The following BLM variants were observed in gnomAD, a reference collection of about 807,000 sequenced individuals.
BLM encodes BLM RecQ like helicase, also known as recQ-like DNA helicase BLM.
A neutral mutation model predicts 135.3 loss-of-function variants in BLM; 95 were observed. That is an observed-to-expected ratio of 0.70 (90% CI 0.59 to 0.83). BLM has a LOEUF of 0.83. BLM is among the 40% of genes least tolerant of loss of function. The probability of loss-of-function intolerance (pLI) is 0.00; values close to 1 mark genes in which losing one functional copy is unlikely to be tolerated. For synonymous variants in BLM, 520 were observed against 589.2 expected (o/e 0.88, Z 1.70); for missense variants, 1,518 against 1,663.9 (o/e 0.91, Z 1.53).
At chr15:90,753,813 T>C (rs764196951) in intron 4 of BLM, among the ~76,000 whole-genome samples, 8 of 152,240 alleles carry the variant, frequency 5.3e-5, no homozygotes, top group Non-Finnish European at 1.0e-4. Context: ...TTCTCCATCT[T>C]CTGGCCACAA....
intron 12 of BLM, among the ~76,000 whole-genome samples, chr15:90,772,824 A>G (rs1161675290): frequency 1.3e-5 from 2 of 152,096 alleles, no homozygotes; most frequent in Non-Finnish European, 1.5e-5. Flanking sequence ...TAGGTTGGGC[A>G]TGGTGACTCA....
At chr15:90,720,922 G>A (rs529696987) in intron 1 of BLM, among the ~76,000 whole-genome samples, 160 of 152,176 alleles carry the variant, frequency 1.1e-3, no homozygotes, top group African/African-American at 3.7e-3. Context: ...GGCTGGGCGC[G>A]GTAGCACATG....
At chr15:90,739,118 A>T (rs1296979102) in intron 1 of BLM, among the ~76,000 whole-genome samples, 4 of 152,160 alleles carry the variant, frequency 2.6e-5, no homozygotes, top group Non-Finnish European at 4.4e-5. Context: ...AGGAGCGGCC[A>T]GGCGCGGTGG....
chr15:90,748,992 C>A (rs1016851806), intron 2 of BLM, among the ~76,000 whole-genome samples: 12 of 152,080 alleles, frequency 7.9e-5, no homozygotes, highest in Non-Finnish European at 1.6e-4. Context: ...CTCCTGACCT[C>A]AAGCATTCCA....
At chr15:90,787,155 T>C (rs1896773126) in intron 14 of BLM, among the ~76,000 whole-genome samples, 1 of 144,888 alleles carries the variant, frequency 6.9e-6, no homozygotes, top group Non-Finnish European at 1.5e-5. Context: ...GTTCACGCCA[T>C]TCTCCTGCCT....
At chr15:90,767,439 C>T (rs1490910727) in intron 10 of BLM, among the ~76,000 whole-genome samples, 1 of 152,198 alleles carries the variant, frequency 6.6e-6, no homozygotes, top group East Asian at 1.9e-4. Flanking sequence ...TGCATGCATT[C>T]CGTTGTGCTT....
At chr15:90,778,774 C>A (rs933041885) in intron 12 of BLM, among the ~76,000 whole-genome samples, 3 of 151,866 alleles carry the variant, frequency 2.0e-5, no homozygotes, top group African/African-American at 7.3e-5. Context: ...ATGAATAATG[C>A]TGGTATAATC....
intron 1 of BLM, among the ~76,000 whole-genome samples, chr15:90,734,694 CGCAGAG>C (rs1394989547): frequency 9.7e-6 from 1 of 103,102 alleles, no homozygotes; most frequent in Non-Finnish European, 1.9e-5. Context: ...CACACACACA[CGCAGAG>C]AGAGAGAGAG....
chr15:90,766,495 T>A (rs781561526), intron 9 of BLM, among the ~76,000 whole-genome samples: 31 of 152,326 alleles, frequency 2.0e-4, no homozygotes, highest in Non-Finnish European at 4.4e-4. Context: ...TGGTGCAACC[T>A]TGGCTCACTG....
At chr15:90,796,142 G>A (rs1241672927) in intron 16 of BLM, among the ~76,000 whole-genome samples, 1 of 152,188 alleles carries the variant, frequency 6.6e-6, no homozygotes, top group Non-Finnish European at 1.5e-5. Context: ...CTGAGTAACT[G>A]GAAGGATGGA....
chr15:90,745,860 G>A (rs1426885277), intron 1 of BLM, among the ~76,000 whole-genome samples: 1 of 152,166 alleles, frequency 6.6e-6, no homozygotes, highest in African/African-American at 2.4e-5. Flanking sequence ...AGAATGACTT[G>A]AGCTCAGGAG....
rs71463768 is a variant in BLM, at chr15:90,738,564, AAAAACAAAAC to A, written c.-4-8795_-4-8786del. 8.2e-3 allele frequency among the ~76,000 whole-genome samples: 1,219 copies of A among 149,300 alleles called. 9 individuals are homozygous for A. Among genetic ancestry groups the A allele is most frequent in the African/African-American group, 0.012 (478 of 40,650 alleles). On this transcript the variant is annotated intron_variant, in intron 1 of 21. Coordinates refer to ENST00000355112, the MANE Select transcript of BLM (RefSeq NM_000057.4). The stretch of plus-strand genomic sequence containing the variant: ...GGTGACAGAGTGAAACCCTGTTTCA[AAAAACAAAAC>A]AAAACAAAACAAAACAAAACAAAAC...
At chr15:90,803,216 G>A (rs1156513342) in intron 17 of BLM, among the ~76,000 whole-genome samples, 1 of 151,362 alleles carries the variant, frequency 6.6e-6, no homozygotes, top group African/African-American at 2.4e-5. Context: ...CTAATACATA[G>A]CACAGTGATA....
In BLM at chr15:90,769,534, C is replaced by A; in HGVS notation, c.2503C>A (p.Pro835Thr). 2 of 1,614,004 alleles carry A rather than the reference C, an allele frequency of 1.2e-6. No homozygotes were observed. The highest frequency in any genetic ancestry group is 1.1e-5 in the South Asian group (1 of 91,074). Reference sequence around the variant, plus strand: ...GATGGCTCTTACGGCCACAGCTAATCCCAGGGTACAGAAGGACATCCTGAC... The same window carrying A: ...GATGGCTCTTACGGCCACAGCTAATACCAGGGTACAGAAGGACATCCTGAC... ...PVMALTATAN[P>T]RVQKDILTQL... is the part of the protein sequence containing the mutation. The change falls in exon 12 of 22, where the codon CCC becomes ACC. Residue 835 changes from proline to threonine, a missense_variant. Physicochemically the swap from Pro to Thr is conservative, Grantham distance 38. Coordinates refer to ENST00000355112, the MANE Select transcript of BLM (RefSeq NM_000057.4).
At chr15:90,747,630 A>G (rs1237364920) in intron 2 of BLM, 140 bp downstream of exon 2, 4 of 682,678 alleles carry the variant, frequency 5.9e-6, no homozygotes, top group Non-Finnish European at 1.1e-5. Context: ...CACTTTGCCA[A>G]TTAATGGTAG....
chr15:90,739,604 C>A (rs1006843574), intron 1 of BLM, among the ~76,000 whole-genome samples: 16 of 152,104 alleles, frequency 1.1e-4, no homozygotes, highest in African/African-American at 3.9e-4. Context: ...ATAAGCCAGT[C>A]CCGAAAAGGC....
rs145310024 is a variant in BLM at position 90,780,362 on chromosome 15, C to A, written c.2556-2460C>A. Among the ~76,000 whole-genome samples the A allele has an allele frequency of 2.0e-3, 302 of 152,212 alleles. 3 individuals are homozygous for A. The highest frequency in any genetic ancestry group is 6.7e-3 in the African/African-American group (280 of 41,546). On this transcript the variant is annotated intron_variant, in intron 12 of 21. Coordinates refer to ENST00000355112, the MANE Select transcript of BLM (RefSeq NM_000057.4). Reference sequence around the variant, plus strand: ...CCTCCCAAAGTGCTGGGATTACAGGCGTGAGCCACCGCGCCCGTCCAGGAT... The same window carrying A: ...CCTCCCAAAGTGCTGGGATTACAGGAGTGAGCCACCGCGCCCGTCCAGGAT...
chr15:90,725,556 C>G (rs972227762), intron 1 of BLM, among the ~76,000 whole-genome samples: 2 of 151,000 alleles, frequency 1.3e-5, no homozygotes, highest in African/African-American at 4.9e-5. Flanking sequence ...TGCAGTGGCA[C>G]CATCTCGGCT....
chr15:90,743,659 C>T (rs1267648058), intron 1 of BLM, among the ~76,000 whole-genome samples: 2 of 152,126 alleles, frequency 1.3e-5, no homozygotes, highest in African/African-American at 4.8e-5. Context: ...CCTGCCTCAG[C>T]CTCCTGAGTA....
Sources: gnomAD v4.1 joint callset for allele counts (sites outside exome capture counted in the v4.1 genomes callset) on GRCh38, gnomAD v4.1.1 for gene constraint, MANE v1.5 for transcripts, NCBI Gene and HGNC (gene_info 2026-07-23, HGNC 2026-07-21) for gene names.